Variants in NCALD observed in about 807,000 individuals in gnomAD.
NCALD encodes neurocalcin-delta.
NCALD carries 10 observed loss-of-function variants against 18.6 expected under a neutral mutation model. The observed-to-expected ratio is 0.54, with a 90% CI of 0.33 to 0.91. The LOEUF (loss-of-function observed/expected upper bound fraction) is 0.91. NCALD is among the 40% of genes least tolerant of loss of function. The probability of loss-of-function intolerance (pLI) is 0.03; values close to 1 mark genes in which losing one functional copy is unlikely to be tolerated. For missense variants in NCALD, 184 were observed against 247.6 expected, an observed-to-expected ratio of 0.74 and a Z score of 1.72; for synonymous variants, 88 against 87.4, an observed-to-expected ratio of 1.01 and a Z score of -0.04.
intron 1 of NCALD, among the ~76,000 whole-genome samples, chr8:101,722,796 A>G: frequency 6.6e-6 from 1 of 152,234 alleles, no homozygotes. Flanking sequence ...ACATTTACAA[A>G]TTCATCAGCA....
chr8:101,948,222 T>C (rs914252301), intron 2 of NCALD, among the ~76,000 whole-genome samples: 3 of 152,196 alleles, frequency 2.0e-5, no homozygotes, highest in African/African-American at 7.2e-5. Context: ...TGGACTAAGG[T>C]ATTGGCCCAA....
chr8:102,086,306 T>C (rs373633224), intron 1 of NCALD, among the ~76,000 whole-genome samples: 7 of 152,242 alleles, frequency 4.6e-5, no homozygotes, highest in African/African-American at 1.7e-4. Flanking sequence ...GACAAAAATA[T>C]CACAATCCAG....
chr8:101,718,240 T>TATTTC (rs1321273257), intron 2 of NCALD, among the ~76,000 whole-genome samples: 5 of 152,212 alleles, frequency 3.3e-5, no homozygotes, highest in South Asian at 2.1e-4. Context: ...TCCTTTTATT[T>TATTTC]ATTTCATTTC....
chr8:102,055,941 C>T (rs148756235), intron 1 of NCALD, among the ~76,000 whole-genome samples: 38 of 152,208 alleles, frequency 2.5e-4, no homozygotes, highest in South Asian at 6.2e-4. Flanking sequence ...AGCTCATGGT[C>T]GGCACAAAAC....
At chr8:101,961,778 C>G (rs1006744249) in intron 2 of NCALD, among the ~76,000 whole-genome samples, 1 of 152,110 alleles carries the variant, frequency 6.6e-6, no homozygotes, top group Non-Finnish European at 1.5e-5. Context: ...TTCTCGCCAA[C>G]TCTACAGGGT....
chr8:101,972,601 C>T (rs1820282318), intron 2 of NCALD, among the ~76,000 whole-genome samples: 1 of 152,148 alleles, frequency 6.6e-6, no homozygotes, highest in Admixed American at 6.5e-5. Context: ...CTAGAAGGTT[C>T]ATTACTAAGG....
At chr8:101,789,034 T>G (rs1015786116) in intron 1 of NCALD, 1 of 152,224 alleles carries the variant, frequency 6.6e-6, no homozygotes, top group African/African-American at 2.4e-5. Context: ...TATAGTCTAT[T>G]TTGAAAGAGC....
intron 1 of NCALD, among the ~76,000 whole-genome samples, chr8:102,025,331 TC>T (rs1217881044): frequency 6.6e-6 from 1 of 152,250 alleles, no homozygotes; most frequent in Non-Finnish European, 1.5e-5. Flanking sequence ...AGTTCACTAT[TC>T]TTTTCCTTCA....
At chr8:102,021,264 C>A (rs1455687463) in intron 1 of NCALD, among the ~76,000 whole-genome samples, 1 of 152,158 alleles carries the variant, frequency 6.6e-6, no homozygotes, top group East Asian at 1.9e-4. Context: ...TATCCTCAGT[C>A]CTTAGCTTTC....
chr8:101,988,282 T>C (rs1820904944), intron 2 of NCALD, among the ~76,000 whole-genome samples: 1 of 152,106 alleles, frequency 6.6e-6, no homozygotes, highest in South Asian at 2.1e-4. Context: ...ATCTGAAAAG[T>C]GTTATATACG....
chr8:102,027,621 G>A (rs1254084567), intron 1 of NCALD, among the ~76,000 whole-genome samples: 1 of 152,136 alleles, frequency 6.6e-6, no homozygotes, highest in African/African-American at 2.4e-5. Flanking sequence ...CATTTCCAAA[G>A]TGGTTCCCTC....
At chr8:101,744,746 T>G (rs893075596) in intron 1 of NCALD, among the ~76,000 whole-genome samples, 1 of 152,068 alleles carries the variant, frequency 6.6e-6, no homozygotes, top group Non-Finnish European at 1.5e-5. Context: ...TGCTTGGCCC[T>G]TTATACTTCC....
At chr8:101,839,551 C>A (rs1196317353) in intron 4 of NCALD, among the ~76,000 whole-genome samples, 5 of 152,132 alleles carry the variant, frequency 3.3e-5, no homozygotes, top group African/African-American at 1.2e-4. Flanking sequence ...TATCCATCAA[C>A]CTCCTCACTA....
At chr8:101,772,167 G>A (rs550484108) in intron 1 of NCALD, among the ~76,000 whole-genome samples, 3 of 152,168 alleles carry the variant, frequency 2.0e-5, no homozygotes, top group Non-Finnish European at 4.4e-5. Context: ...AGGGTCCCAT[G>A]GTCAAACTAG....
At chr8:101,771,493 T>C (rs1479065872) in intron 1 of NCALD, among the ~76,000 whole-genome samples, 1 of 152,262 alleles carries the variant, frequency 6.6e-6, no homozygotes, top group Non-Finnish European at 1.5e-5. Flanking sequence ...TTATAAAACA[T>C]GCTTGGGGGC....
chr8:101,996,535 A>G (rs1432879894), intron 2 of NCALD, among the ~76,000 whole-genome samples: 1 of 152,242 alleles, frequency 6.6e-6, no homozygotes, highest in East Asian at 1.9e-4. Context: ...CTCTGCAGGT[A>G]ACAACTGGCT....
chr8:101,876,982 T>C (rs1816253853), intron 4 of NCALD, among the ~76,000 whole-genome samples: 1 of 152,212 alleles, frequency 6.6e-6, no homozygotes, highest in African/African-American at 2.4e-5. Context: ...AGTGGTAAAT[T>C]TCCTATTGGA....
chr8:101,853,271 C>A (rs1344560709), intron 4 of NCALD, among the ~76,000 whole-genome samples: 2 of 152,018 alleles, frequency 1.3e-5, no homozygotes, highest in Non-Finnish European at 2.9e-5. Flanking sequence ...AGATAATAAA[C>A]AAGGAAACAG....
intron 1 of NCALD, among the ~76,000 whole-genome samples, chr8:101,755,259 C>T (rs1192864332): frequency 1.3e-5 from 2 of 152,230 alleles, no homozygotes; most frequent in East Asian, 3.8e-4. Context: ...TTGCCCTCAA[C>T]AGTCCCAGTT....
Sources: gnomAD v4.1 joint callset for allele counts (sites outside exome capture counted in the v4.1 genomes callset) on GRCh38, gnomAD v4.1.1 for gene constraint, MANE v1.5 for transcripts, NCBI Gene and HGNC (gene_info 2026-07-23, HGNC 2026-07-21) for gene names.